KIF16B: variants seen among roughly 807,000 people sequenced by gnomAD.
The protein encoded by KIF16B is kinesin family member 16B.
A neutral mutation model predicts 156.3 loss-of-function variants in KIF16B; 98 were observed. The observed-to-expected ratio is 0.63, with a 90% CI of 0.53 to 0.74. KIF16B has a LOEUF of 0.74. Ranked by LOEUF, KIF16B falls within the 30% of genes least tolerant of loss-of-function variation. KIF16B has a pLI of 0.00. For synonymous variants in KIF16B, 564 were observed against 583.7 expected (o/e 0.97, Z 0.49); for missense variants, 1,421 against 1,606.5 (o/e 0.88, Z 1.97).
intron 25 of KIF16B, among the ~76,000 whole-genome samples, chr20:16,280,841 C>CGCGCGCGTGTGTGT (rs112026824): frequency 8.1e-5 from 6 of 74,462 alleles, no homozygotes; most frequent in African/African-American, 3.0e-4. Flanking sequence ...TGCGCGCGCA[C>CGCGCGCGTGTGTGT]GTGTGTGTGT....
intron 22 of KIF16B, chr20:16,367,277 G>A (rs754371991): frequency 6.2e-7 from 1 of 1,612,850 alleles, no homozygotes; most frequent in Non-Finnish European, 8.5e-7. Context: ...TGGACATTTG[G>A]GGCTTCCTGA....
At chr20:16,426,224 T>C (rs2066347941) in intron 15 of KIF16B, among the ~76,000 whole-genome samples, 1 of 152,046 alleles carries the variant, frequency 6.6e-6, no homozygotes, top group African/African-American at 2.4e-5. Context: ...ATATCTGACC[T>C]ACTATTTTCA....
intron 3 of KIF16B, among the ~76,000 whole-genome samples, chr20:16,520,260 G>C (rs1244054124): frequency 6.6e-6 from 1 of 152,054 alleles, no homozygotes; most frequent in African/African-American, 2.4e-5. Context: ...ACAGAGCACA[G>C]AAAGCTAAGA....
intron 25 of KIF16B, among the ~76,000 whole-genome samples, chr20:16,296,482 A>G (rs959895994): frequency 4.6e-5 from 7 of 152,208 alleles, no homozygotes; most frequent in African/African-American, 1.7e-4. Flanking sequence ...ACACAGCTCT[A>G]AGTCTGCCAT....
chr20:16,494,258 T>G, intron 12 of KIF16B, 33 bp downstream of exon 12: 5 of 1,267,190 alleles, frequency 3.9e-6, no homozygotes, highest in Non-Finnish European at 5.7e-6. Context: ...TAATCCACCA[T>G]AGTAAGACTA....
At chr20:16,398,801 G>T (rs2065577711) in intron 17 of KIF16B, among the ~76,000 whole-genome samples, 1 of 152,102 alleles carries the variant, frequency 6.6e-6, no homozygotes, top group Non-Finnish European at 1.5e-5. Flanking sequence ...GTTATCAACC[G>T]ACAGGAAAGC....
intron 12 of KIF16B, among the ~76,000 whole-genome samples, chr20:16,476,876 A>G (rs1194056186): frequency 6.6e-6 from 1 of 152,032 alleles, no homozygotes; most frequent in African/African-American, 2.4e-5. Context: ...CTCCTGCCTC[A>G]GCCTCCCGAG....
rs373674465 is a variant in KIF16B at position 16,379,221 on chromosome 20, T to C, written c.2781A>G (p.Ala927=). ...LPTLLEEKQR[A]FEILDRGPLS... is the part of the protein sequence containing the mutation. ...GAGGGCCTCTGTCAAGAATTTCAAA[T>C]GCTCTCTGCTTTTCTTCCAACAGAG... The change falls in exon 19 of 26, where the codon GCA becomes GCG. Residue 927 remains alanine (A), a synonymous_variant. Coordinates refer to ENST00000354981, the MANE Select transcript of KIF16B (RefSeq NM_024704.5). 2.5e-6 allele frequency: 4 copies of C among 1,614,206 alleles called. No individual in the cohort carries two copies. Among genetic ancestry groups the C allele is most frequent in the African/African-American group, 1.3e-5 (1 of 75,064 alleles).
intron 23 of KIF16B, among the ~76,000 whole-genome samples, chr20:16,346,270 C>A (rs1366181663): frequency 6.6e-6 from 1 of 152,188 alleles, no homozygotes; most frequent in African/African-American, 2.4e-5. Flanking sequence ...TGCCAGTCCT[C>A]GATCTGCCCG....
At chr20:16,324,002 A>G (rs568113534) in intron 24 of KIF16B, among the ~76,000 whole-genome samples, 9 of 151,990 alleles carry the variant, frequency 5.9e-5, no homozygotes, top group Non-Finnish European at 1.0e-4. Context: ...CAGTGAACGT[A>G]AACTTGAGGA....
chr20:16,472,944 A>G (rs1181935006), intron 12 of KIF16B, among the ~76,000 whole-genome samples: 3 of 152,202 alleles, frequency 2.0e-5, no homozygotes, highest in Non-Finnish European at 4.4e-5. Flanking sequence ...GATAAAAACC[A>G]TATCTAGGTT....
chr20:16,344,213 T>C (rs1422453089), intron 23 of KIF16B, among the ~76,000 whole-genome samples: 1 of 152,208 alleles, frequency 6.6e-6, no homozygotes, highest in Non-Finnish European at 1.5e-5. Context: ...GTATATTAGA[T>C]TTAATTAAAA....
At chr20:16,282,531 G>A (rs913848517) in intron 25 of KIF16B, among the ~76,000 whole-genome samples, 1 of 152,052 alleles carries the variant, frequency 6.6e-6, no homozygotes, top group Non-Finnish European at 1.5e-5. Flanking sequence ...TTTATGCCAA[G>A]ACCCATAGGG....
chr20:16,409,719 C>T (rs543910843), intron 15 of KIF16B, among the ~76,000 whole-genome samples: 17 of 151,136 alleles, frequency 1.1e-4, no homozygotes, highest in East Asian at 2.0e-4. Flanking sequence ...AAAGAGGAGA[C>T]GGGGGTGAGG....
At chr20:16,310,145 A>C (rs2063597869) in intron 25 of KIF16B, among the ~76,000 whole-genome samples, 1 of 152,250 alleles carries the variant, frequency 6.6e-6, no homozygotes, top group Non-Finnish European at 1.5e-5. Flanking sequence ...AAATGCATTA[A>C]ATTTCAAAAG....
intron 24 of KIF16B, among the ~76,000 whole-genome samples, chr20:16,313,517 C>A (rs982628218): frequency 6.6e-6 from 1 of 152,180 alleles, no homozygotes; most frequent in Non-Finnish European, 1.5e-5. Flanking sequence ...CACTGTGTAA[C>A]CAGCACTCGC....
chr20:16,464,005 G>T (rs111283222), intron 12 of KIF16B, among the ~76,000 whole-genome samples: 76 of 152,220 alleles, frequency 5.0e-4, no homozygotes, highest in African/African-American at 1.8e-3. Context: ...CCCCATCAAT[G>T]CCCTTTGGAT....
intron 14 of KIF16B, 108 bp downstream of exon 14, chr20:16,428,845 A>G: frequency 1.1e-6 from 1 of 915,608 alleles, no homozygotes; most frequent in Non-Finnish European, 1.8e-6. Context: ...TACTTGAAAA[A>G]TAATTTAATT....
rs2064677993 is a variant in KIF16B, at chr20:16,366,858, T to C, written c.3498+3728A>G. 6 of 1,124,466 alleles carry C rather than the reference T, an allele frequency of 5.3e-6. No individual in the cohort carries two copies. In the South Asian group the frequency reaches 1.6e-4, roughly 30 times the overall value. The allele number at this position is 1,124,466 out of a possible 1,614,324, so 69.7% of individuals were successfully genotyped here. On this transcript the variant is annotated intron_variant, in intron 22 of 25. Coordinates refer to ENST00000354981, the MANE Select transcript of KIF16B (RefSeq NM_024704.5). ...CACGAAAACAAACAATCAGAAATGC[T>C]TTAATCACCTCACAAATAATGAAGC...
Sources: gnomAD v4.1 joint callset for allele counts (sites outside exome capture counted in the v4.1 genomes callset) on GRCh38, gnomAD v4.1.1 for gene constraint, MANE v1.5 for transcripts, NCBI Gene and HGNC (gene_info 2026-07-23, HGNC 2026-07-21) for gene names.